The following ERGIC2 variants were observed in gnomAD, a reference collection of about 807,000 sequenced individuals.
ERGIC2 encodes ERGIC and golgi 2, also known as endoplasmic reticulum-Golgi intermediate compartment protein 2.
A neutral mutation model predicts 52.5 loss-of-function variants in ERGIC2; 31 were observed. The observed-to-expected ratio is 0.59, with a 90% confidence interval of 0.44 to 0.80. The LOEUF is 0.80. Ranked by LOEUF, ERGIC2 falls within the 30% of genes least tolerant of loss-of-function variation. The probability of loss-of-function intolerance (pLI) is 0.00; values close to 1 mark genes in which losing one functional copy is unlikely to be tolerated. For missense variants in ERGIC2, 395 were observed against 455.2 expected (o/e 0.87, Z 1.20); for synonymous variants, 129 against 140.6 (o/e 0.92, Z 0.58).
chr12:29,357,792 T>C, intron 6 of ERGIC2, 68 bp from the exon 7 acceptor site: 1 of 872,144 alleles, frequency 1.1e-6, no homozygotes, highest in Non-Finnish European at 1.9e-6. Context: ...TATTCAAAAA[T>C]GACAATGTTT....
chr12:29,344,485 G>A (rs559798888), intron 11 of ERGIC2, among the ~76,000 whole-genome samples: 3 of 152,210 alleles, frequency 2.0e-5, no homozygotes, highest in South Asian at 2.1e-4. Flanking sequence ...TTAAAGAAAT[G>A]TTGAAAAGCA....
In ERGIC2 at chr12:29,366,919, T is replaced by C; in HGVS notation, c.291A>G (p.Ala97=). 2 of 1,603,274 alleles carry C rather than the reference T, an allele frequency of 1.2e-6. No individual in the cohort carries two copies. Among genetic ancestry groups the C allele is most frequent in the Non-Finnish European group, 8.5e-7 (1 of 1,174,230 alleles). ...CATCTGCAGATGCAACCATTGTTTC[T>C]GCTAAATCCAATACATCCGCTCCAA... The part of the protein sequence containing the change: ...QYVGADVLDL[A]ETMVASADGL... The change falls in exon 5 of 14, where the codon GCA becomes GCG. Residue 97 remains alanine (A), a synonymous_variant. Transcript: ENST00000360150.
intron 5 of ERGIC2, among the ~76,000 whole-genome samples, chr12:29,365,206 A>G (rs1329489719): frequency 6.6e-6 from 1 of 152,158 alleles, no homozygotes; most frequent in Non-Finnish European, 1.5e-5. Context: ...GAATCAACCT[A>G]GGTACTCATC....
intron 6 of ERGIC2, among the ~76,000 whole-genome samples, chr12:29,359,455 T>C (rs933560430): frequency 3.3e-5 from 5 of 152,068 alleles, no homozygotes; most frequent in Admixed American, 3.3e-4. Flanking sequence ...TCCCAGCCTA[T>C]ATTCCACACA....
Position 29,337,829 on chromosome 12 carries a change from C to T in ERGIC2, c.*3327G>A, listed in dbSNP as rs1455922059. ...AAATTACTTTTTGGTACTTGAATTA[C>T]TAACTCAGGACATAGATGGAATGCA... On this transcript the variant is annotated 3_prime_UTR_variant, in exon 14 of 14. Transcript: ENST00000360150. 4.6e-5 allele frequency: 7 copies of T among 152,096 alleles called. No homozygotes were observed. The highest frequency in any genetic ancestry group is 1.7e-4 in the African/African-American group (7 of 41,410). 9.4% of individuals were successfully genotyped at this position (152,096 alleles called of 1,614,324 possible).
chr12:29,368,159 C>G (rs1940390277), intron 4 of ERGIC2, 82 bp downstream of exon 4: 1 of 839,972 alleles, frequency 1.2e-6, no homozygotes, highest in Admixed American at 2.0e-5. Flanking sequence ...AAATAAAGTA[C>G]AACCAGTGAT....
At chr12:29,352,750 T>A (rs974909393) in intron 8 of ERGIC2, among the ~76,000 whole-genome samples, 1 of 152,190 alleles carries the variant, frequency 6.6e-6, no homozygotes, top group Non-Finnish European at 1.5e-5. Context: ...TAGGCTGGAT[T>A]TGGTATATAA....
intron 5 of ERGIC2, among the ~76,000 whole-genome samples, chr12:29,363,385 A>AG (rs913971309): frequency 1.3e-5 from 2 of 151,896 alleles, no homozygotes; most frequent in Non-Finnish European, 2.9e-5. Flanking sequence ...TTAAGTTAAA[A>AG]TGATATTTTT....
At chr12:29,374,961 C>G (rs1402339277) in intron 1 of ERGIC2, among the ~76,000 whole-genome samples, 1 of 152,158 alleles carries the variant, frequency 6.6e-6, no homozygotes, top group Non-Finnish European at 1.5e-5. Flanking sequence ...GGATTCTATC[C>G]TAACATGTTT....
chr12:29,352,650 C>T (rs1259210786), intron 8 of ERGIC2, among the ~76,000 whole-genome samples: 6 of 152,084 alleles, frequency 3.9e-5, no homozygotes, highest in South Asian at 4.2e-4. Flanking sequence ...AGCAACAGAG[C>T]GAGACTCTGT....
intron 1 of ERGIC2, among the ~76,000 whole-genome samples, chr12:29,379,723 T>G (rs561359560): frequency 6.6e-6 from 1 of 152,200 alleles, no homozygotes; most frequent in Non-Finnish European, 1.5e-5. Flanking sequence ...ATGAAGGAAC[T>G]AAGGCACAGA....
At chr12:29,368,330 A>G in intron 3 of ERGIC2, 43 bp from the exon 4 acceptor site, 2 of 1,010,710 alleles carry the variant, frequency 2.0e-6, no homozygotes, top group African/African-American at 1.6e-5. Flanking sequence ...CCAATTAATT[A>G]GCAAAACATG....
intron 5 of ERGIC2, among the ~76,000 whole-genome samples, chr12:29,364,170 G>C (rs1016732075): frequency 6.6e-6 from 1 of 151,960 alleles, no homozygotes; most frequent in African/African-American, 2.4e-5. Flanking sequence ...AGAGAAAATG[G>C]GTAATAAAAG....
chr12:29,348,412 T>C (rs936826563), intron 10 of ERGIC2, among the ~76,000 whole-genome samples: 2 of 152,076 alleles, frequency 1.3e-5, no homozygotes, highest in African/African-American at 2.4e-5. Flanking sequence ...ACATGGTATA[T>C]AATATGACTA....
At chr12:29,365,247 T>C (rs1371453332) in intron 5 of ERGIC2, among the ~76,000 whole-genome samples, 5 of 152,042 alleles carry the variant, frequency 3.3e-5, no homozygotes, top group African/African-American at 4.8e-5. Context: ...AAATGTGGTA[T>C]ACATGCACCA....
intron 6 of ERGIC2, among the ~76,000 whole-genome samples, chr12:29,361,041 G>C (rs1001690775): frequency 1.3e-5 from 2 of 152,198 alleles, no homozygotes; most frequent in Non-Finnish European, 2.9e-5. Context: ...CAGTTCAGGA[G>C]TTCAAGACCA....
chr12:29,377,412 T>A (rs1011945661), intron 1 of ERGIC2, among the ~76,000 whole-genome samples: 2 of 152,180 alleles, frequency 1.3e-5, no homozygotes, highest in Non-Finnish European at 2.9e-5. Context: ...AGTTTTTGCA[T>A]ATAACCTATG....
Position 29,350,078 on chromosome 12 carries a change from G to T in ERGIC2, c.573-10C>A. The T allele has an allele frequency of 6.4e-7, 1 of 1,573,150 alleles. No homozygotes were observed. Among genetic ancestry groups the T allele is most frequent in the East Asian group, 2.3e-5 (1 of 44,354 alleles). ...AGGATGTGGAATTGCCCTGAAAGGA[G>T]AAAAAACAATTATTAAAGTAGTACC... On this transcript the variant is annotated splice_polypyrimidine_tract_variant and intron_variant, in intron 8 of 13. Transcript: ENST00000360150.
At chr12:29,367,064 C>T (rs1415051456) in intron 4 of ERGIC2, 117 bp from the exon 5 acceptor site, 7 of 469,210 alleles carry the variant, frequency 1.5e-5, no homozygotes, top group Non-Finnish European at 2.5e-5. Context: ...AAAAAAAAAA[C>T]CTCACCAACT....
Sources: gnomAD v4.1 joint callset for allele counts (sites outside exome capture counted in the v4.1 genomes callset) on GRCh38, gnomAD v4.1.1 for gene constraint, MANE v1.5 for transcripts, NCBI Gene and HGNC (gene_info 2026-07-23, HGNC 2026-07-21) for gene names.